ZNF423: variants seen among roughly 807,000 people sequenced by gnomAD.
ZNF423 encodes Ebf-associated zinc finger protein.
A neutral mutation model predicts 95.8 loss-of-function variants in ZNF423; 12 were observed. That is an observed-to-expected ratio of 0.13 (90% CI 0.08 to 0.20). The LOEUF is 0.20. Among genes scored for constraint, ZNF423 ranks in the 10% least tolerant of loss-of-function variants. ZNF423 has a pLI of 1.00. For missense variants in ZNF423, 1,316 were observed against 1,737.1 expected (o/e 0.76, Z 4.31); for synonymous variants, 749 against 711.9 (o/e 1.05, Z -0.83).
chr16:49,526,579 C>A (rs1968619830), intron 5 of ZNF423, among the ~76,000 whole-genome samples: 1 of 152,158 alleles, frequency 6.6e-6, no homozygotes, highest in South Asian at 2.1e-4. Context: ...ATGGGGACCA[C>A]CTGTCCTCCC....
chr16:49,844,116 TAAAAA>T (rs563357549), intron 1 of ZNF423, among the ~76,000 whole-genome samples: 8 of 132,336 alleles, frequency 6.0e-5, no homozygotes, highest in African/African-American at 1.9e-4. Context: ...CTCCATCTGT[TAAAAA>T]AAAAAAAAAA....
rs183987716 is a variant in ZNF423, at chr16:49,719,068, C to G, written c.301+11703G>C. On this transcript the variant is annotated intron_variant, in intron 3 of 7. Coordinates refer to ENST00000563137, the MANE Select transcript of ZNF423 (RefSeq NM_001379286.1). ...TTGCAAACCTCAAATTGGTAGTAAC[C>G]GAGATTGATTACTCAGGGAACACAA... Among the ~76,000 whole-genome samples, 15 of 152,310 alleles carry G rather than the reference C, an allele frequency of 9.8e-5. No individual in the cohort carries two copies. The East Asian group carries it at 2.1e-3, about 22-fold the overall frequency.
intron 1 of ZNF423, among the ~76,000 whole-genome samples, chr16:49,791,555 T>A (rs1435341139): frequency 1.3e-5 from 2 of 152,176 alleles, no homozygotes; most frequent in African/African-American, 4.8e-5. Flanking sequence ...ATGCTGCCAT[T>A]TTGTTAGACA....
chr16:49,700,215 A>AAAAAG (rs1555473664), intron 3 of ZNF423, among the ~76,000 whole-genome samples: 9 of 136,114 alleles, frequency 6.6e-5, no homozygotes, highest in African/African-American at 2.0e-4. Context: ...AAAAAAAAAA[A>AAAAAG]AACAAGAAGA....
chr16:49,783,900 G>A (rs2034264377), intron 2 of ZNF423, among the ~76,000 whole-genome samples: 1 of 151,232 alleles, frequency 6.6e-6, no homozygotes, highest in Non-Finnish European at 1.5e-5. Flanking sequence ...AACCTGGGAG[G>A]TGGAGGTTGC....
rs879398299 is a variant in ZNF423 at position 49,649,666 on chromosome 16, C to G, written c.302-10792G>C. Among the ~76,000 whole-genome samples, 252 of 50,630 alleles carry G rather than the reference C, an allele frequency of 5.0e-3. 1 individual carries two copies. The highest frequency in any genetic ancestry group is 0.012 in the Admixed American group (64 of 5,260). The allele number at this position is 50,630 out of a possible 152,430, so 33.2% of individuals were successfully genotyped here. A position where few individuals can be genotyped will look rare whatever the true frequency, so the allele number is the denominator to read the frequency against. On this transcript the variant is annotated intron_variant, in intron 3 of 7. Coordinates refer to ENST00000563137, the MANE Select transcript of ZNF423 (RefSeq NM_001379286.1). ...ACACACACACACACACACACACACA[C>G]ACAGGGAGAGAGAGAGAGAGAGAGA... is the stretch of plus-strand genomic sequence containing the variant.
intron 1 of ZNF423, among the ~76,000 whole-genome samples, chr16:49,815,876 A>ACAAAC (rs1567356061): frequency 8.3e-5 from 6 of 72,134 alleles, no homozygotes; most frequent in South Asian, 9.8e-4. Flanking sequence ...CAAACAAAAA[A>ACAAAC]AAAAAATATA....
chr16:49,819,593 C>A (rs1429392799), intron 1 of ZNF423, among the ~76,000 whole-genome samples: 1 of 152,106 alleles, frequency 6.6e-6, no homozygotes, highest in African/African-American at 2.4e-5. Context: ...GGATTACAGG[C>A]ACCCACCACT....
chr16:49,597,738 T>C (rs528353742), intron 5 of ZNF423, among the ~76,000 whole-genome samples: 4 of 152,184 alleles, frequency 2.6e-5, no homozygotes, highest in Non-Finnish European at 4.4e-5. Flanking sequence ...TCTCAGAGTT[T>C]GGGATTCTGT....
chr16:49,671,175 G>T (rs997580570), intron 3 of ZNF423, among the ~76,000 whole-genome samples: 1 of 152,200 alleles, frequency 6.6e-6, no homozygotes, highest in East Asian at 1.9e-4. Flanking sequence ...TGGTCACCCA[G>T]GGGGCACAGA....
rs772773392 is a variant in ZNF423, at chr16:49,635,960, G to A, written c.3216C>T (p.Tyr1072=). ...ACTCCTTGAGGCACAGGGCGCACTT[G>A]TAGAGCTTCTGCAGCCCCTGGCCAT... ...SPNGQGLQKL[Y]KCALCLKEFR... is the part of the protein sequence containing the mutation. Residue 1072 remains tyrosine, a synonymous_variant, in exon 4 of 8, where the codon TAC becomes TAT. Coordinates refer to ENST00000563137, the MANE Select transcript of ZNF423 (RefSeq NM_001379286.1). The surrounding 1 kb of genome is among the most constrained non-coding windows in gnomAD (Gnocchi z 4.8). 2.5e-6 allele frequency: 4 copies of A among 1,597,854 alleles called. 1 individual carries two copies.
chr16:49,766,976 T>TC (rs1214315717), intron 2 of ZNF423, among the ~76,000 whole-genome samples: 1 of 143,466 alleles, frequency 7.0e-6, no homozygotes, highest in Non-Finnish European at 1.5e-5. Context: ...TCTTTCTTTC[T>TC]TTTTTTTTTT....
intron 5 of ZNF423, among the ~76,000 whole-genome samples, chr16:49,563,311 G>A (rs1970078478): frequency 6.6e-6 from 1 of 152,042 alleles, no homozygotes; most frequent in South Asian, 2.1e-4. Flanking sequence ...TCCCTCTCTT[G>A]TCACATGACC....
chr16:49,597,979 C>T (rs1385094408), intron 5 of ZNF423, among the ~76,000 whole-genome samples: 1 of 152,194 alleles, frequency 6.6e-6, no homozygotes, highest in Non-Finnish European at 1.5e-5. Context: ...ACCCTCCCTA[C>T]GGCAGCCTCC....
At chr16:49,739,819 T>C (rs1420963452) in intron 2 of ZNF423, among the ~76,000 whole-genome samples, 6 of 150,362 alleles carry the variant, frequency 4.0e-5, no homozygotes, top group African/African-American at 1.5e-4. Flanking sequence ...CCACATCAGC[T>C]TCCCGAGCAG....
intron 3 of ZNF423, among the ~76,000 whole-genome samples, chr16:49,702,685 G>A (rs2032222336): frequency 6.6e-6 from 1 of 152,220 alleles, no homozygotes; most frequent in Admixed American, 6.5e-5. Context: ...ACTTTAATAA[G>A]GCTGAGAGGC....
chr16:49,676,818 G>A (rs1037513461), intron 3 of ZNF423, among the ~76,000 whole-genome samples: 2 of 152,240 alleles, frequency 1.3e-5, no homozygotes, highest in African/African-American at 4.8e-5. Flanking sequence ...GTGAGAAGGA[G>A]GGTTTAGAAA....
chr16:49,721,128 A>G (rs1168557147), intron 3 of ZNF423, among the ~76,000 whole-genome samples: 1 of 152,178 alleles, frequency 6.6e-6, no homozygotes, highest in Non-Finnish European at 1.5e-5. Context: ...TGGAGGACCA[A>G]GCTTGAGGCC....
chr16:49,569,732 G>T (rs1056386386), intron 5 of ZNF423, among the ~76,000 whole-genome samples: 2 of 152,036 alleles, frequency 1.3e-5, no homozygotes, highest in Non-Finnish European at 2.9e-5. Context: ...AGTGCCCGTG[G>T]AAAAAAAGAC....
Sources: allele counts gnomAD v4.1 joint callset (sites outside exome capture counted in the v4.1 genomes callset), GRCh38; gene constraint gnomAD v4.1.1; non-coding constraint Gnocchi (gnomAD v3.1); transcripts MANE v1.5; gene names NCBI Gene and HGNC (gene_info 2026-07-23, HGNC 2026-07-21).